EDNRB: variants seen among roughly 807,000 people sequenced by gnomAD.
EDNRB encodes endothelin receptor type B, also known as Hirschsprung disease 2.
A neutral mutation model predicts 46.4 loss-of-function variants in EDNRB; 18 were observed. The observed-to-expected ratio is 0.39, with a 90% CI of 0.27 to 0.57. The LOEUF (loss-of-function observed/expected upper bound fraction) is 0.57. Ranked by LOEUF, EDNRB falls within the 20% of genes least tolerant of loss-of-function variation. The pLI is 0.61. For missense variants in EDNRB, 434 were observed against 537.5 expected (o/e 0.81, Z 1.90); for synonymous variants, 213 against 204.9 (o/e 1.04, Z -0.34).
chr13:77,937,095 C>T (rs61963146), intron 1 of EDNRB, among the ~76,000 whole-genome samples: 13,045 of 152,208 alleles, frequency 0.086, 722 homozygotes, highest in Non-Finnish European at 0.12. Context: ...GCCTTCTGGC[C>T]TTTCTGGGTC....
intron 1 of EDNRB, among the ~76,000 whole-genome samples, chr13:77,947,305 T>C (rs1880952142): frequency 1.3e-5 from 2 of 152,060 alleles, no homozygotes; most frequent in South Asian, 2.1e-4. Flanking sequence ...TTTTTTTTTT[T>C]TTCTATTTTT....
At chr13:77,905,754 C>T (rs1224218306) in intron 1 of EDNRB, among the ~76,000 whole-genome samples, 1 of 151,934 alleles carries the variant, frequency 6.6e-6, no homozygotes, top group Non-Finnish European at 1.5e-5. Flanking sequence ...GCATTCTAGG[C>T]AGAGGCAAGA....
rs201253040 is a variant in EDNRB, at chr13:77,895,557, T to G, written c.*2643A>C. The G allele has an allele frequency of 6.6e-6, 1 of 152,098 alleles. No homozygotes were observed. Among genetic ancestry groups the G allele is most frequent in the Non-Finnish European group, 1.5e-5 (1 of 67,994 alleles). 9.4% of individuals were successfully genotyped at this position (152,098 alleles called of 1,614,324 possible). ...ATAATTGTATATTTAACATAAATAA[T>G]GTCCACTTGTCACATTTATATTTCT... On this transcript the variant is annotated 3_prime_UTR_variant, in exon 7 of 7. Coordinates refer to ENST00000646607, the MANE Select transcript of EDNRB (RefSeq NM_001122659.3).
intron 1 of EDNRB, among the ~76,000 whole-genome samples, chr13:77,928,724 T>C (rs1880307015): frequency 1.3e-5 from 2 of 152,192 alleles, no homozygotes; most frequent in African/African-American, 4.8e-5. Flanking sequence ...CTGAGAACAA[T>C]GCTATTCTTA....
intron 1 of EDNRB, among the ~76,000 whole-genome samples, chr13:77,941,367 T>G (rs2137664929): frequency 6.6e-6 from 1 of 152,286 alleles, no homozygotes; most frequent in South Asian, 2.1e-4. Flanking sequence ...GAAGGGATGG[T>G]ATGGTTGGTT....
upstream of EDNRB, chr13:77,918,853 TA>T: frequency 7.7e-7 from 1 of 1,290,902 alleles, no homozygotes; most frequent in Non-Finnish European, 9.8e-7. The surrounding 1 kb of genome is among the most constrained non-coding windows in gnomAD (Gnocchi z 4.5). Context: ...CCAGGAGGGG[TA>T]AATAATATGC....
rs1458799604 is a variant in EDNRB at position 77,903,569 on chromosome 13, AC to A, written c.521del (p.Cys174LeufsTer17). ...CTTTCTGTATGAAAGGCACCAGCTT[AC>A]ACATCTCAGCTCCAAATGGCCAGTC... is the stretch of plus-strand genomic sequence containing the variant. ...AEDWPFGAEM[C>X]KLVPFIQKAS... On this transcript the variant is annotated frameshift_variant, in exon 2 of 7. Coordinates refer to ENST00000646607, the MANE Select transcript of EDNRB (RefSeq NM_001122659.3). LOFTEE classifies it high-confidence loss of function. 6.2e-7 allele frequency: 1 copy of A among 1,612,876 alleles called. No individual in the cohort carries two copies. Among genetic ancestry groups the A allele is most frequent in the Non-Finnish European group, 8.5e-7 (1 of 1,179,248 alleles).
At chr13:77,960,368 G>A (rs936702346) in intron 1 of EDNRB, among the ~76,000 whole-genome samples, 1 of 152,186 alleles carries the variant, frequency 6.6e-6, no homozygotes, top group Non-Finnish European at 1.5e-5. Flanking sequence ...CCAGAAGAGA[G>A]TGGGGGCCAA....
intron 1 of EDNRB, among the ~76,000 whole-genome samples, chr13:77,949,229 C>T (rs1443891776): frequency 6.6e-6 from 1 of 152,136 alleles, no homozygotes; most frequent in African/African-American, 2.4e-5. Context: ...TGACAGATTC[C>T]AGTTGCAGCA....
At chr13:77,957,365 A>G (rs1311912008) in intron 1 of EDNRB, among the ~76,000 whole-genome samples, 1 of 152,208 alleles carries the variant, frequency 6.6e-6, no homozygotes, top group Non-Finnish European at 1.5e-5. Flanking sequence ...TAATATATTC[A>G]TTAGAATGCA....
At chr13:77,934,837 G>T (rs1309913339) in intron 1 of EDNRB, among the ~76,000 whole-genome samples, 1 of 152,116 alleles carries the variant, frequency 6.6e-6, no homozygotes, top group African/African-American at 2.4e-5. Context: ...TGGCTTTGCT[G>T]GTGTGTGGTG....
At chr13:77,942,532 G>A (rs574457127) in intron 1 of EDNRB, among the ~76,000 whole-genome samples, 28 of 152,062 alleles carry the variant, frequency 1.8e-4, no homozygotes, top group East Asian at 7.7e-4. Flanking sequence ...ATAATATTTC[G>A]TCTTTTCTTA....
chr13:77,901,637 G>T (rs1281469290), intron 3 of EDNRB, among the ~76,000 whole-genome samples: 1 of 151,916 alleles, frequency 6.6e-6, no homozygotes. Context: ...GATACGAAAA[G>T]GTCTAGGTTA....
At chr13:77,964,271 G>A (rs1228205439) in intron 1 of EDNRB, among the ~76,000 whole-genome samples, 2 of 152,160 alleles carry the variant, frequency 1.3e-5, no homozygotes, top group African/African-American at 4.8e-5. Context: ...CCATTACTGG[G>A]TATATACCCA....
chr13:77,939,167 G>T (rs987359019), intron 1 of EDNRB: 1 of 152,246 alleles, frequency 6.6e-6, no homozygotes, highest in African/African-American at 2.4e-5. Flanking sequence ...CCTCTGGCAG[G>T]CAGGAGTGGG....
chr13:77,962,724 C>A (rs1338368351), intron 1 of EDNRB, among the ~76,000 whole-genome samples: 1 of 152,126 alleles, frequency 6.6e-6, no homozygotes, highest in African/African-American at 2.4e-5. Context: ...GAAAGGGATG[C>A]CCTCTCTCAC....
At chr13:77,939,359 C>T (rs1375111600) in intron 1 of EDNRB, 1 of 152,282 alleles carries the variant, frequency 6.6e-6, no homozygotes, top group African/African-American at 2.4e-5. Flanking sequence ...GATGGCTTAG[C>T]TTGGGCTCAA....
At chr13:77,903,864 T>A (rs1188815524) in intron 1 of EDNRB, among the ~76,000 whole-genome samples, 2 of 151,928 alleles carry the variant, frequency 1.3e-5, no homozygotes, top group Non-Finnish European at 2.9e-5. Flanking sequence ...TCAGCTCACC[T>A]CATCAGAGCA....
upstream of EDNRB, among the ~76,000 whole-genome samples, chr13:77,924,273 GA>G (rs1414213421): frequency 6.6e-6 from 1 of 152,188 alleles, no homozygotes; most frequent in Non-Finnish European, 1.5e-5. Context: ...CCCTGCTAGA[GA>G]GAACAATTAT....
Sources: allele counts gnomAD v4.1 joint callset (sites outside exome capture counted in the v4.1 genomes callset), GRCh38; gene constraint gnomAD v4.1.1; non-coding constraint Gnocchi (gnomAD v3.1); transcripts MANE v1.5; gene names NCBI Gene and HGNC (gene_info 2026-07-23, HGNC 2026-07-21).